The following DCBLD2 variants were observed in gnomAD, a reference collection of about 807,000 sequenced individuals.
The protein encoded by DCBLD2 is discoidin, CUB and LCCL domain-containing protein 2.
A neutral mutation model predicts 86.8 loss-of-function variants in DCBLD2; 54 were observed. The observed-to-expected ratio is 0.62, with a 90% CI of 0.50 to 0.78. The LOEUF is 0.78. DCBLD2 is among the 30% of genes least tolerant of loss of function. The pLI, the probability that DCBLD2 is intolerant of heterozygous loss-of-function variation, is 0.00. For synonymous variants in DCBLD2, 354 were observed against 341.3 expected (o/e 1.04, Z -0.41); for missense variants, 908 against 954.2 (o/e 0.95, Z 0.64).
intron 3 of DCBLD2, among the ~76,000 whole-genome samples, chr3:98,834,482 C>A (rs530800677): frequency 1.6e-4 from 24 of 152,244 alleles, no homozygotes; most frequent in Non-Finnish European, 3.2e-4. Context: ...CCTCCAGTAA[C>A]CACCAGTCTA....
At chr3:98,842,311 GTAGGA>G (rs1942636619) in intron 3 of DCBLD2, among the ~76,000 whole-genome samples, 1 of 152,170 alleles carries the variant, frequency 6.6e-6, no homozygotes, top group South Asian at 2.1e-4. Context: ...GCTAAAGGAT[GTAGGA>G]TAAGCCTGGT....
intron 2 of DCBLD2, among the ~76,000 whole-genome samples, chr3:98,861,948 G>A (rs191848338): frequency 7.2e-5 from 11 of 152,120 alleles, no homozygotes; most frequent in Non-Finnish European, 4.4e-5. Flanking sequence ...ATGGTTTTTT[G>A]AAAAGATCAA....
intron 3 of DCBLD2, among the ~76,000 whole-genome samples, chr3:98,845,425 G>A (rs1942704250): frequency 6.6e-6 from 1 of 151,966 alleles, no homozygotes; most frequent in Non-Finnish European, 1.5e-5. Context: ...GTTCCCTATA[G>A]AAGATATGTC....
At chr3:98,809,751 GAA>G (rs1491091871) in intron 12 of DCBLD2, among the ~76,000 whole-genome samples, 1 of 152,166 alleles carries the variant, frequency 6.6e-6, no homozygotes, top group Non-Finnish European at 1.5e-5. Flanking sequence ...GGAGGACCTG[GAA>G]ACTACAGAGG....
intron 2 of DCBLD2, among the ~76,000 whole-genome samples, chr3:98,860,558 G>T (rs1056758688): frequency 5.9e-5 from 9 of 152,224 alleles, no homozygotes; most frequent in African/African-American, 2.2e-4. Context: ...GAAGACAGTA[G>T]GGGCCAATAT....
At chr3:98,866,838 AG>A (rs1197829001) in intron 2 of DCBLD2, among the ~76,000 whole-genome samples, 1 of 152,178 alleles carries the variant, frequency 6.6e-6, no homozygotes, top group Non-Finnish European at 1.5e-5. Flanking sequence ...TTATGGTTTT[AG>A]GTCTAACATT....
At chr3:98,802,663 A>G (rs1381601622) in intron 13 of DCBLD2, among the ~76,000 whole-genome samples, 2 of 152,166 alleles carry the variant, frequency 1.3e-5, no homozygotes, top group Admixed American at 1.3e-4. Flanking sequence ...GTTTTCTTCT[A>G]GGGTTTTTAT....
intron 3 of DCBLD2, among the ~76,000 whole-genome samples, chr3:98,829,150 TTTA>T (rs1942277478): frequency 6.6e-6 from 1 of 152,042 alleles, no homozygotes; most frequent in African/African-American, 2.4e-5. Flanking sequence ...ATACAGATAT[TTTA>T]TTATTTAATT....
At chr3:98,864,477 A>G (rs183726038) in intron 2 of DCBLD2, among the ~76,000 whole-genome samples, 424 of 152,318 alleles carry the variant, frequency 2.8e-3, no homozygotes, top group African/African-American at 8.0e-3. Context: ...ATGATAGACT[A>G]GATTAAGAAA....
intron 8 of DCBLD2, 51 bp from the exon 9 acceptor site, chr3:98,817,944 G>C: frequency 6.3e-7 from 1 of 1,595,970 alleles, no homozygotes; most frequent in South Asian, 1.1e-5. Context: ...GATTCCCTAA[G>C]TTTGTTCAGC....
At chr3:98,882,665 T>C (rs1222157217) in intron 1 of DCBLD2, among the ~76,000 whole-genome samples, 1 of 152,152 alleles carries the variant, frequency 6.6e-6, no homozygotes, top group Non-Finnish European at 1.5e-5. Context: ...AGTGAGAACA[T>C]GTGGTGTTTG....
intron 2 of DCBLD2, among the ~76,000 whole-genome samples, chr3:98,851,267 G>A (rs930164011): frequency 1.7e-4 from 26 of 152,182 alleles, no homozygotes; most frequent in African/African-American, 6.0e-4. Flanking sequence ...CAAAATCAAC[G>A]TGAAAAAATC....
chr3:98,890,394 T>C (rs1390751014), intron 1 of DCBLD2: 1 of 152,058 alleles, frequency 6.6e-6, no homozygotes, highest in African/African-American at 2.4e-5. Context: ...GATCCTACCT[T>C]AGAGTCTTAG....
intron 3 of DCBLD2, among the ~76,000 whole-genome samples, chr3:98,847,614 A>G (rs996212533): frequency 3.3e-5 from 5 of 152,184 alleles, no homozygotes; most frequent in African/African-American, 1.2e-4. Flanking sequence ...AGCCCACCAT[A>G]GCTGAGGAGG....
At chr3:98,860,072 C>T (rs1334649461) in intron 2 of DCBLD2, among the ~76,000 whole-genome samples, 1 of 152,032 alleles carries the variant, frequency 6.6e-6, no homozygotes, top group African/African-American at 2.4e-5. Context: ...AACTACGTGA[C>T]GAATGCACAA....
rs551715546 is a variant in DCBLD2, at chr3:98,878,621, T to C, written c.433+2919A>G. On this transcript the variant is annotated intron_variant, in intron 2 of 15. Coordinates refer to ENST00000326840, the MANE Select transcript of DCBLD2 (RefSeq NM_080927.4). ...ATGTTAAACGACTATTCTTGAATTA[T>C]CTTTATTTCTCTGCAATACGTTAAG... is the stretch of plus-strand genomic sequence containing the variant. Among the ~76,000 whole-genome samples, 10 of 152,352 alleles carry C rather than the reference T, an allele frequency of 6.6e-5. No individual in the cohort carries two copies. In the South Asian group the frequency reaches 2.1e-3, roughly 32 times the overall value.
At chr3:98,831,826 G>A (rs1390785734) in intron 3 of DCBLD2, among the ~76,000 whole-genome samples, 1 of 152,020 alleles carries the variant, frequency 6.6e-6, no homozygotes, top group Non-Finnish European at 1.5e-5. Context: ...TATGGTTTTG[G>A]TTCTTTTGCA....
At chr3:98,808,236 A>T (rs1297743863) in intron 12 of DCBLD2, 62 bp from the exon 13 acceptor site, 7 of 1,393,604 alleles carry the variant, frequency 5.0e-6, no homozygotes, top group African/African-American at 1.5e-5. Context: ...GGCAGAAATC[A>T]CTAGGGAAAA....
At chr3:98,892,854 A>G (rs913879644) in intron 1 of DCBLD2, among the ~76,000 whole-genome samples, 1 of 152,188 alleles carries the variant, frequency 6.6e-6, no homozygotes, top group African/African-American at 2.4e-5. Context: ...AAACAAAGGT[A>G]TATCAGGAAA....
Sources: allele counts gnomAD v4.1 joint callset (sites outside exome capture counted in the v4.1 genomes callset), GRCh38; gene constraint gnomAD v4.1.1; transcripts MANE v1.5; gene names NCBI Gene and HGNC (gene_info 2026-07-23, HGNC 2026-07-21).